Variants in CNTNAP5 observed in about 807,000 individuals in gnomAD.
The protein encoded by CNTNAP5 is contactin associated protein family member 5.
Under a neutral mutation model 150.2 loss-of-function variants are expected in CNTNAP5, and 72 were observed. The observed-to-expected ratio is 0.48, with a 90% CI of 0.40 to 0.58. CNTNAP5 has a LOEUF of 0.58. Ranked by LOEUF, CNTNAP5 falls within the 20% of genes least tolerant of loss-of-function variation. CNTNAP5 has a pLI of 0.00. For synonymous variants in CNTNAP5, 672 were observed against 619.8 expected, an observed-to-expected ratio of 1.08 and a Z score of -1.25; for missense variants, 1,636 against 1,626.2, an observed-to-expected ratio of 1.01 and a Z score of -0.10.
chr2:124,754,200 C>A (rs1680789829), intron 14 of CNTNAP5, among the ~76,000 whole-genome samples: 1 of 152,134 alleles, frequency 6.6e-6, no homozygotes, highest in African/African-American at 2.4e-5. Context: ...GGGCCCCAAT[C>A]CTGAATTCTG....
intron 12 of CNTNAP5, among the ~76,000 whole-genome samples, chr2:124,642,416 T>C (rs1021694722): frequency 2.6e-5 from 4 of 152,130 alleles, no homozygotes; most frequent in Admixed American, 2.6e-4. Context: ...AACCTGACAG[T>C]ATACAAAGGA....
intron 1 of CNTNAP5, among the ~76,000 whole-genome samples, chr2:124,034,397 G>A (rs1681153245): frequency 6.6e-6 from 1 of 152,170 alleles, no homozygotes. Flanking sequence ...CCCTTCATCT[G>A]GGTAATCGGA....
chr2:124,268,687 T>A (rs1558827502), intron 3 of CNTNAP5, among the ~76,000 whole-genome samples: 1 of 152,176 alleles, frequency 6.6e-6, no homozygotes, highest in Admixed American at 6.5e-5. Context: ...AATATCTGAC[T>A]CCATCCTTCA....
chr2:124,725,949 G>A (rs1051353236), intron 13 of CNTNAP5, among the ~76,000 whole-genome samples: 3 of 151,678 alleles, frequency 2.0e-5, no homozygotes, highest in Admixed American at 1.3e-4. Flanking sequence ...GTGGGTGCAT[G>A]GTATATATGC....
chr2:124,770,592 G>A (rs1681168638), intron 16 of CNTNAP5, among the ~76,000 whole-genome samples: 1 of 152,118 alleles, frequency 6.6e-6, no homozygotes, highest in Non-Finnish European at 1.5e-5. Context: ...TTTAAATTTG[G>A]GGATGTGCAG....
At chr2:124,312,731 C>T (rs564542992) in intron 3 of CNTNAP5, among the ~76,000 whole-genome samples, 36 of 152,298 alleles carry the variant, frequency 2.4e-4, no homozygotes, top group Admixed American at 2.0e-3. Context: ...CCACAGCACC[C>T]GGCTAATTTT....
intron 3 of CNTNAP5, among the ~76,000 whole-genome samples, chr2:124,304,442 A>T (rs906091729): frequency 6.8e-6 from 1 of 146,576 alleles, no homozygotes; most frequent in Non-Finnish European, 1.5e-5. Context: ...AGAATTGTTC[A>T]TTAGAATTGC....
At chr2:124,092,874 A>T (rs1682847749) in intron 1 of CNTNAP5, among the ~76,000 whole-genome samples, 1 of 152,228 alleles carries the variant, frequency 6.6e-6, no homozygotes, top group Non-Finnish European at 1.5e-5. Context: ...AAATCACGTG[A>T]TACAAACAAT....
At chr2:124,669,748 T>A (rs905786110) in intron 13 of CNTNAP5, among the ~76,000 whole-genome samples, 1 of 152,234 alleles carries the variant, frequency 6.6e-6, no homozygotes, top group Non-Finnish European at 1.5e-5. Flanking sequence ...CCAAAAAACC[T>A]ATGAGTTATC....
At chr2:124,864,618 T>A (rs1283440709) in intron 19 of CNTNAP5, among the ~76,000 whole-genome samples, 3 of 151,728 alleles carry the variant, frequency 2.0e-5, no homozygotes, top group Admixed American at 1.3e-4. Flanking sequence ...ACACTTCTAT[T>A]TTTAATATGT....
rs935220025 is a variant in CNTNAP5 at position 124,620,758 on chromosome 2, C to G, written c.1876+10838C>G. Among the ~76,000 whole-genome samples, 288 of 128,078 alleles carry G rather than the reference C, an allele frequency of 2.2e-3. 3 individuals are homozygous for G. The highest frequency in any genetic ancestry group is 9.0e-3 in the African/African-American group (269 of 29,920). The allele number at this position is 128,078 out of a possible 152,430, so 84.0% of individuals were successfully genotyped here. On this transcript the variant is annotated intron_variant, in intron 12 of 23. Coordinates refer to ENST00000682447, the MANE Select transcript of CNTNAP5 (RefSeq NM_001367498.1). ...ACACACACACATGCACACACACACA[C>G]ACACACACACACACACATATATATG...
chr2:124,843,221 T>G (rs1164761047), intron 19 of CNTNAP5, among the ~76,000 whole-genome samples: 2 of 152,156 alleles, frequency 1.3e-5, no homozygotes, highest in Non-Finnish European at 2.9e-5. Flanking sequence ...GGCATTTAGG[T>G]TGCTGTAAAT....
At chr2:124,815,558 A>G (rs896295240) in intron 19 of CNTNAP5, among the ~76,000 whole-genome samples, 5 of 152,218 alleles carry the variant, frequency 3.3e-5, no homozygotes, top group Non-Finnish European at 1.5e-5. Context: ...GTATTGCATC[A>G]GTCATGTCTT....
At chr2:124,792,541 T>C (rs945494255) in intron 18 of CNTNAP5, among the ~76,000 whole-genome samples, 1 of 152,216 alleles carries the variant, frequency 6.6e-6, no homozygotes, top group African/African-American at 2.4e-5. Context: ...GTAATTTATA[T>C]ACCATAAAAC....
chr2:124,030,464 A>T (rs1681013706), intron 1 of CNTNAP5, among the ~76,000 whole-genome samples: 1 of 152,108 alleles, frequency 6.6e-6, no homozygotes, highest in Non-Finnish European at 1.5e-5. Context: ...ACCTATATTT[A>T]TCTATTATCA....
At chr2:124,545,453 C>T (rs1028904935) in intron 10 of CNTNAP5, among the ~76,000 whole-genome samples, 21 of 152,188 alleles carry the variant, frequency 1.4e-4, no homozygotes, top group African/African-American at 5.1e-4. Context: ...ATTTGGAAAA[C>T]CTAAGAAGCT....
intron 11 of CNTNAP5, among the ~76,000 whole-genome samples, chr2:124,607,712 A>G (rs899197169): frequency 2.0e-5 from 3 of 152,172 alleles, no homozygotes; most frequent in Non-Finnish European, 4.4e-5. Flanking sequence ...CTTAACTACT[A>G]TGCAACTGCT....
intron 13 of CNTNAP5, among the ~76,000 whole-genome samples, chr2:124,736,506 A>G (rs1201487689): frequency 2.0e-5 from 3 of 152,188 alleles, no homozygotes; most frequent in Non-Finnish European, 4.4e-5. Flanking sequence ...TGACCATTGC[A>G]GATGTTTTAT....
In CNTNAP5 at chr2:124,541,179, A is replaced by ATTTTTTTTTTTTTTTTTTTTTTTTTTTT. The variant is rs3980963; in HGVS notation, c.1649+13740_1649+13741insTTTTTTTTTTTTTTTTTTTTTTTTTTTT. On this transcript the variant is annotated intron_variant, in intron 10 of 23. Transcript: ENST00000682447. ...AGAGGATAAGAAGTACAAAATTCCG[A>ATTTTTTTTTTTTTTTTTTTTTTTTTTTT]TTTTTTTTTTTTTTTTTGGTGAGAA... Among the ~76,000 whole-genome samples, 207 of 83,010 alleles carry ATTTTTTTTTTTTTTTTTTTTTTTTTTTT rather than the reference A, an allele frequency of 2.5e-3. 33 individuals are homozygous for ATTTTTTTTTTTTTTTTTTTTTTTTTTTT. Among genetic ancestry groups the ATTTTTTTTTTTTTTTTTTTTTTTTTTTT allele is most frequent in the Non-Finnish European group, 3.6e-3 (155 of 43,632 alleles). 54.5% of individuals were successfully genotyped at this position (83,010 alleles called of 152,430 possible).
Sources: allele counts gnomAD v4.1 joint callset (sites outside exome capture counted in the v4.1 genomes callset), GRCh38; gene constraint gnomAD v4.1.1; transcripts MANE v1.5; gene names NCBI Gene and HGNC (gene_info 2026-07-23, HGNC 2026-07-21).